The following CFLAR variants were observed in gnomAD, a reference collection of about 807,000 sequenced individuals.
CFLAR encodes the protein CASP8 and FADD like apoptosis regulator.
Under a neutral mutation model 51.1 loss-of-function variants are expected in CFLAR, and 14 were observed. The observed-to-expected ratio is 0.27, with a 90% confidence interval of 0.18 to 0.43. The LOEUF (loss-of-function observed/expected upper bound fraction) is 0.43. Among genes scored for constraint, CFLAR ranks in the 20% least tolerant of loss-of-function variants. CFLAR has a pLI of 1.00. For missense variants in CFLAR, 390 were observed against 566.5 expected, an observed-to-expected ratio of 0.69 and a Z score of 3.16; for synonymous variants, 210 against 211.6, an observed-to-expected ratio of 0.99 and a Z score of 0.06.
intron 8 of CFLAR, among the ~76,000 whole-genome samples, chr2:201,152,195 A>G (rs1363818473): frequency 1.3e-5 from 2 of 152,034 alleles, no homozygotes; most frequent in East Asian, 1.9e-4. Context: ...GGGTTTCACC[A>G]TGTTGGCCAG....
chr2:201,145,213 G>C (rs527829711), intron 5 of CFLAR, among the ~76,000 whole-genome samples, 165 bp from the exon 6 acceptor site: 5 of 152,250 alleles, frequency 3.3e-5, no homozygotes, highest in African/African-American at 1.2e-4. Context: ...CGGGATTTAT[G>C]GAGTTAACAG....
chr2:201,153,107 C>T (rs719126), intron 8 of CFLAR: 5,857 of 152,298 alleles, frequency 0.038, 140 homozygotes, highest in Middle Eastern at 0.081. Context: ...CCTGGATGCT[C>T]GGTGCTGCCT....
At chr2:201,132,983 T>C in intron 2 of CFLAR, 46 bp from the exon 3 acceptor site, 1 of 1,599,450 alleles carries the variant, frequency 6.3e-7, no homozygotes, top group Middle Eastern at 1.7e-4. Context: ...GGAGTTGTCT[T>C]AGGACTGATG....
At position 201,170,077 on chromosome 2, in the gene CFLAR, T is replaced by G. The variant is rs1943921041; in HGVS notation, c.*6104T>G. The G allele has an allele frequency of 6.6e-6, 1 of 152,188 alleles. No individual in the cohort carries two copies. Among genetic ancestry groups the G allele is most frequent in the African/African-American group, 2.4e-5 (1 of 41,466 alleles). The allele number at this position is 152,188 out of a possible 1,614,324, so 9.4% of individuals were successfully genotyped here. A position where few individuals can be genotyped will look rare whatever the true frequency, so the allele number is the denominator to read the frequency against. ...CTCAAAGATCTAGAACTAGAAATACTATTTGTCCCAGCAATCCCATTACTG... is the reference window on the plus strand; with the variant it reads ...CTCAAAGATCTAGAACTAGAAATACGATTTGTCCCAGCAATCCCATTACTG... On this transcript the variant is annotated 3_prime_UTR_variant, in exon 10 of 10. Transcript: ENST00000309955.
At chr2:201,159,576 C>G (rs1452320027) in intron 8 of CFLAR, among the ~76,000 whole-genome samples, 1 of 152,150 alleles carries the variant, frequency 6.6e-6, no homozygotes, top group Non-Finnish European at 1.5e-5. Flanking sequence ...TCCCAAAGTG[C>G]TGGGATTACA....
At position 201,130,118 on chromosome 2, in the gene CFLAR, A is replaced by C; in HGVS notation, c.253A>C (p.Arg85=). The C allele has an allele frequency of 7.3e-7, 1 of 1,368,108 alleles. No individual in the cohort carries two copies. Among genetic ancestry groups the C allele is most frequent in the African/African-American group, 1.5e-5 (1 of 64,618 alleles). 84.7% of individuals were successfully genotyped at this position (1,368,108 alleles called of 1,614,324 possible). The change falls in exon 2 of 10, where the codon AGG becomes CGG. Residue 85 remains arginine (R), a synonymous_variant. Coordinates refer to ENST00000309955, the MANE Select transcript of CFLAR (RefSeq NM_003879.7). ...DRKAVETHLL[R]NPHLVSDYRV... Reference sequence around the variant, plus strand: ...AAAAGCTGTGGAGACCCACCTGCTCAGGAACCCTCACCTTGTTTCGGACTA... The same window carrying C: ...AAAAGCTGTGGAGACCCACCTGCTCCGGAACCCTCACCTTGTTTCGGACTA...
In CFLAR at chr2:201,168,243, A is replaced by G. The variant is rs1055858139; in HGVS notation, c.*4270A>G. ...GGCGACAGTGCGAGACTCTGTCTCA[A>G]AAATAAATAAATAAATAAATAATAA... On this transcript the variant is annotated 3_prime_UTR_variant, in exon 10 of 10. Transcript: ENST00000309955. The G allele has an allele frequency of 5.3e-5, 8 of 152,132 alleles. No homozygotes were observed. The highest frequency in any genetic ancestry group is 1.9e-4 in the African/African-American group (8 of 41,436). 9.4% of individuals were successfully genotyped at this position (152,132 alleles called of 1,614,324 possible). A position where few individuals can be genotyped will look rare whatever the true frequency, so the allele number is the denominator to read the frequency against.
rs997899310 is a variant in CFLAR at position 201,173,010 on chromosome 2, C to T, written c.*9037C>T. ...AAGTAGTAGCATCATTTTATATTCC[C>T]ACCAGCAGTGTATGAGGTTTTTTTT... On this transcript the variant is annotated 3_prime_UTR_variant, in exon 10 of 10. Coordinates refer to ENST00000309955, the MANE Select transcript of CFLAR (RefSeq NM_003879.7). 8 of 152,174 alleles carry T rather than the reference C, an allele frequency of 5.3e-5. No homozygotes were observed. The highest frequency in any genetic ancestry group is 1.0e-4 in the Non-Finnish European group (7 of 68,034). The allele number at this position is 152,174 out of a possible 1,614,324, so 9.4% of individuals were successfully genotyped here.
At chr2:201,130,181 G>GTGT in intron 2 of CFLAR, 35 bp downstream of exon 2, 1 of 1,422,800 alleles carries the variant, frequency 7.0e-7, no homozygotes, top group Non-Finnish European at 9.4e-7. Context: ...CTGGGTGGGT[G>GTGT]GGAGGGAGTG....
At chr2:201,162,616 G>T in intron 9 of CFLAR, 1 of 205,886 alleles carries the variant, frequency 4.9e-6, no homozygotes, top group South Asian at 9.9e-5. Flanking sequence ...GATCTTGACA[G>T]ATTTGGCATC....
chr2:201,117,444 A>G (rs547781569), intron 1 of CFLAR, among the ~76,000 whole-genome samples: 1 of 152,220 alleles, frequency 6.6e-6, no homozygotes, highest in Non-Finnish European at 1.5e-5. Context: ...CTCCACGGGC[A>G]GGAAGTAAAT....
intron 2 of CFLAR, among the ~76,000 whole-genome samples, chr2:201,130,554 C>T (rs965971914): frequency 2.0e-5 from 3 of 151,428 alleles, no homozygotes; most frequent in African/African-American, 4.9e-5. Flanking sequence ...TTAGTGGAGA[C>T]GGGGTTTCAC....
At chr2:201,155,772 C>A (rs924269512) in intron 8 of CFLAR, among the ~76,000 whole-genome samples, 2 of 152,000 alleles carry the variant, frequency 1.3e-5, no homozygotes, top group Admixed American at 1.3e-4. Context: ...TACACACAGG[C>A]GCCACCACAT....
At chr2:201,125,917 C>G (rs991939466) in intron 1 of CFLAR, among the ~76,000 whole-genome samples, 16 of 152,062 alleles carry the variant, frequency 1.1e-4, no homozygotes, top group Non-Finnish European at 4.4e-5. Context: ...CCCTGTTTGC[C>G]TGGGACTGAG....
chr2:201,131,077 A>G (rs1344625692), intron 2 of CFLAR, among the ~76,000 whole-genome samples: 1 of 152,196 alleles, frequency 6.6e-6, no homozygotes, highest in Non-Finnish European at 1.5e-5. Context: ...TTCAGTCCAA[A>G]GAGGAAATGG....
At chr2:201,159,196 G>C (rs1942695297) in intron 8 of CFLAR, among the ~76,000 whole-genome samples, 1 of 151,622 alleles carries the variant, frequency 6.6e-6, no homozygotes, top group Admixed American at 6.6e-5. Context: ...TATTTAATGG[G>C]TTATTTGCAA....
intron 8 of CFLAR, among the ~76,000 whole-genome samples, chr2:201,157,413 T>G (rs1942357573): frequency 6.6e-6 from 1 of 152,196 alleles, no homozygotes; most frequent in Non-Finnish European, 1.5e-5. Flanking sequence ...AGTGCTGGGA[T>G]TACAGGTATG....
rs1940789801 is a variant in CFLAR, at chr2:201,149,013, G to A, written c.672G>A (p.Val224=). Residue 224 remains valine (V), a synonymous_variant, in exon 7 of 10, where the codon GTG becomes GTA. Transcript: ENST00000309955. ...TCTCTCATCCCCCAGAAGAACCAGT[G>A]AAGAAATCCATTCAGGAATCAGAAG... ...KEQLGAQQEP[V]KKSIQESEAF... is the part of the protein sequence containing the mutation. 1 of 1,612,516 alleles carries A rather than the reference G, an allele frequency of 6.2e-7. No homozygotes were observed. The highest frequency in any genetic ancestry group is 1.3e-5 in the African/African-American group (1 of 75,032).
At chr2:201,140,050 CG>C in intron 4 of CFLAR, 1 of 288,824 alleles carries the variant, frequency 3.5e-6, no homozygotes, top group South Asian at 2.6e-5. Context: ...CCCCGCGACC[CG>C]ACATAAACGC....
Sources: gnomAD v4.1 joint callset for allele counts (sites outside exome capture counted in the v4.1 genomes callset) on GRCh38, gnomAD v4.1.1 for gene constraint, MANE v1.5 for transcripts, NCBI Gene and HGNC (gene_info 2026-07-23, HGNC 2026-07-21) for gene names.